The following XPC variants were observed in gnomAD, a reference collection of about 807,000 sequenced individuals.
The protein encoded by XPC is XPC complex subunit, DNA damage recognition and repair factor, also known as DNA repair protein complementing XP-C cells.
XPC carries 76 observed loss-of-function variants against 95.8 expected under a neutral mutation model. That is an observed-to-expected ratio of 0.79 (90% CI 0.66 to 0.96). The LOEUF (loss-of-function observed/expected upper bound fraction) is 0.96, where lower values mean the gene tolerates loss of function less well. XPC is among the 40% of genes least tolerant of loss of function. The probability of loss-of-function intolerance (pLI) is 0.00; values close to 1 mark genes in which losing one functional copy is unlikely to be tolerated. For missense variants in XPC, 1,146 were observed against 1,179.8 expected, an observed-to-expected ratio of 0.97 and a Z score of 0.42; for synonymous variants, 442 against 442.1, an observed-to-expected ratio of 1.00 and a Z score of 0.00.
intron 14 of XPC, 141 bp from the exon 15 acceptor site, chr3:14,147,520 C>T: frequency 1.2e-6 from 1 of 815,244 alleles, no homozygotes; most frequent in Non-Finnish European, 1.9e-6. Flanking sequence ...AGTCTCACTT[C>T]CAAAAAATTG....
At position 14,178,590 on chromosome 3, in the gene XPC, C is replaced by T. The variant is rs3731058; in HGVS notation, c.-22G>A. 2,940 of 1,612,346 alleles carry T rather than the reference C, an allele frequency of 1.8e-3. 49 individuals are homozygous for T. The African/African-American group carries it at 0.033, about 18-fold the overall frequency. On this transcript the variant is annotated 5_prime_UTR_variant, in exon 1 of 16. Transcript: ENST00000285021. Reference sequence around the variant, plus strand: ...CCATGTTGCTTGTCTGGGCAAATTCCACTTCGCGAGTGACGCACCCGGCCG... The same window carrying T: ...CCATGTTGCTTGTCTGGGCAAATTCTACTTCGCGAGTGACGCACCCGGCCG...
intron 8 of XPC, among the ~76,000 whole-genome samples, chr3:14,159,193 G>C (rs1274554727): frequency 6.6e-6 from 1 of 152,134 alleles, no homozygotes; most frequent in African/African-American, 2.4e-5. Context: ...ACTCTTATTG[G>C]TTACGTAAAT....
At position 14,145,247 on chromosome 3, in the gene XPC, G is replaced by GTT; in HGVS notation, c.*692_*693dup. 1 of 678,534 alleles carries GTT rather than the reference G, an allele frequency of 1.5e-6. No homozygotes were observed. Among genetic ancestry groups the GTT allele is most frequent in the Non-Finnish European group, 2.7e-6 (1 of 373,160 alleles). The allele number at this position is 678,534 out of a possible 1,614,324, so 42.0% of individuals were successfully genotyped here. On this transcript the variant is annotated 3_prime_UTR_variant, in exon 16 of 16. Transcript: ENST00000285021. ...TTTATCTAGTAATGAATACAATCTA[G>GTT]TTTAACACTCATCTATTTTACTAAC...
chr3:14,148,528 T>C lies in XPC; in HGVS notation c.2420+34A>G, dbSNP rs375378876. On this transcript the variant is annotated intron_variant, in intron 13 of 15. Coordinates refer to ENST00000285021, the MANE Select transcript of XPC (RefSeq NM_004628.5). ...CTCTGGAGCCACCCCTCCCCATCCC[T>C]GTGTTTAGCCTCCATCGAAGGCCCC... The C allele has an allele frequency of 3.5e-5, 57 of 1,609,362 alleles. No individual in the cohort carries two copies. In the African/African-American group the frequency reaches 5.4e-4, roughly 15 times the overall value.
chr3:14,155,768 C>T (rs1695878649), intron 10 of XPC, among the ~76,000 whole-genome samples: 3 of 152,138 alleles, frequency 2.0e-5, no homozygotes, highest in African/African-American at 7.2e-5. Flanking sequence ...TCGTGTTAGC[C>T]AGGATGGTCT....
intron 7 of XPC, among the ~76,000 whole-genome samples, chr3:14,162,585 A>G (rs995573814): frequency 2.6e-5 from 4 of 152,248 alleles, no homozygotes; most frequent in African/African-American, 9.6e-5. Flanking sequence ...ATCCACATGC[A>G]TAAGAATGAT....
intron 1 of XPC, among the ~76,000 whole-genome samples, chr3:14,177,224 A>G (rs2125051339): frequency 6.6e-6 from 1 of 152,344 alleles, no homozygotes; most frequent in South Asian, 2.1e-4. Context: ...CAGCATGACA[A>G]CTATTTCCAT....
intron 1 of XPC, among the ~76,000 whole-genome samples, chr3:14,177,503 C>T (rs1396955219): frequency 1.3e-5 from 2 of 151,926 alleles, no homozygotes; most frequent in African/African-American, 4.8e-5. Context: ...AAGGAAAAGA[C>T]TCAAGGAATA....
At chr3:14,178,388 T>C (rs765910304) in intron 1 of XPC, 78 bp downstream of exon 1, 47 of 1,475,482 alleles carry the variant, frequency 3.2e-5, no homozygotes, top group East Asian at 7.2e-5. Context: ...CCTCCGCGTC[T>C]GGACTCCCGC....
intron 2 of XPC, 50 bp downstream of exon 2, chr3:14,172,817 C>T: frequency 6.3e-7 from 1 of 1,576,850 alleles, no homozygotes; most frequent in Non-Finnish European, 8.6e-7. Context: ...ATTCACAATT[C>T]TCTGATGAGA....
At chr3:14,152,239 C>G (rs1695720346) in intron 11 of XPC, 96 bp downstream of exon 11, 1 of 1,045,144 alleles carries the variant, frequency 9.6e-7, no homozygotes, top group Non-Finnish European at 1.4e-6. Flanking sequence ...CTGGGCAGGA[C>G]TGGGAGGCTC....
chr3:14,159,635 A>G (rs1232039901), intron 8 of XPC, 106 bp downstream of exon 8: 3 of 1,177,070 alleles, frequency 2.5e-6, no homozygotes, highest in African/African-American at 3.1e-5. Context: ...AAGAACCCAC[A>G]CTCCGTGAAT....
chr3:14,161,883 T>G (rs974272001), intron 7 of XPC, among the ~76,000 whole-genome samples: 1 of 151,926 alleles, frequency 6.6e-6, no homozygotes, highest in Admixed American at 6.6e-5. Context: ...ATAGATGGCA[T>G]GATCCTATAC....
At chr3:14,155,448 A>C (rs1695863050) in intron 10 of XPC, among the ~76,000 whole-genome samples, 1 of 151,908 alleles carries the variant, frequency 6.6e-6, no homozygotes, top group Non-Finnish European at 1.5e-5. Context: ...AACATTTTTC[A>C]ATTTTAATTT....
At chr3:14,169,650 T>C (rs1559382493) in intron 3 of XPC, among the ~76,000 whole-genome samples, 1 of 152,198 alleles carries the variant, frequency 6.6e-6, no homozygotes, top group African/African-American at 2.4e-5. Context: ...ATGAGGTCAT[T>C]TTGTCATGCA....
In XPC at chr3:14,172,930, G is replaced by C. The variant is rs1696670680; in HGVS notation, c.236C>G (p.Thr79Ser). Residue 79 changes from threonine to serine, a missense_variant, in exon 2 of 16, where the codon ACT (threonine) becomes AGT (serine). Transcript: ENST00000285021. ...AACCTTGAGGTTTTCAGATTTAACA[G>C]TCACCTTGGCCACTTTCTTTTTTGC... ...GPAKKKVAKV[T>S]VKSENLKVIK... 1 of 1,613,994 alleles carries C rather than the reference G, an allele frequency of 6.2e-7. No individual in the cohort carries two copies. The highest frequency in any genetic ancestry group is 8.5e-7 in the Non-Finnish European group (1 of 1,179,876).
In XPC at chr3:14,165,555, A is replaced by G; in HGVS notation, c.652T>C (p.Phe218Leu). The change falls in exon 6 of 16, where the codon TTC (phenylalanine) becomes CTC (leucine). Residue 218 changes from phenylalanine (F) to leucine (L), a missense_variant. By Grantham distance (22) the Phe-to-Leu change is conservative (BLOSUM62 0). Coordinates refer to ENST00000285021, the MANE Select transcript of XPC (RefSeq NM_004628.5). ...VHLLCLLANGFYRNNICSQPD... is the reference protein window; with the variant it reads ...VHLLCLLANGLYRNNICSQPD... ...TGGCTGCAGATGTTATTTCGATAGA[A>G]GCCATTTGCTAGCAGGCAGAGAAGG... 6.2e-6 allele frequency: 10 copies of G among 1,613,350 alleles called. No individual in the cohort carries two copies. The highest frequency in any genetic ancestry group is 8.5e-6 in the Non-Finnish European group (10 of 1,179,686).
chr3:14,168,218 G>A (rs749966775), intron 4 of XPC, 39 bp downstream of exon 4: 41 of 1,578,836 alleles, frequency 2.6e-5, no homozygotes, highest in Non-Finnish European at 3.5e-5. Context: ...GTTGCCTACT[G>A]CATGTGACAG....
At chr3:14,174,297 A>G (rs1200366859) in intron 1 of XPC, among the ~76,000 whole-genome samples, 1 of 152,248 alleles carries the variant, frequency 6.6e-6, no homozygotes, top group Non-Finnish European at 1.5e-5. Context: ...TGCCTACTCC[A>G]AGGCCAGAGG....
Sources: gnomAD v4.1 joint callset for allele counts (sites outside exome capture counted in the v4.1 genomes callset) on GRCh38, gnomAD v4.1.1 for gene constraint, MANE v1.5 for transcripts, NCBI Gene and HGNC (gene_info 2026-07-23, HGNC 2026-07-21) for gene names.